Variants in CNTNAP5 observed in about 807,000 individuals in gnomAD.
CNTNAP5 encodes the protein contactin associated protein family member 5.
Under a neutral mutation model 150.2 loss-of-function variants are expected in CNTNAP5, and 72 were observed. That is an observed-to-expected ratio of 0.48 (90% CI 0.40 to 0.58). The LOEUF is 0.58. CNTNAP5 is among the 20% of genes least tolerant of loss of function. The pLI is 0.00. For missense variants in CNTNAP5, 1,636 were observed against 1,626.2 expected (o/e 1.01, Z -0.10); for synonymous variants, 672 against 619.8 (o/e 1.08, Z -1.25).
chr2:124,916,352 T>C lies in CNTNAP5; in HGVS notation c.*2064T>C, dbSNP rs1445546789. Among the ~76,000 whole-genome samples, 1 of 152,080 alleles carries C rather than the reference T, an allele frequency of 6.6e-6. No homozygotes were observed. Among genetic ancestry groups the C allele is most frequent in the African/African-American group, 2.4e-5 (1 of 41,454 alleles). ...AACACTGTTTTCCCCTGCCCTTTCC[T>C]CCCTTTCTTCAATTTTCATTTTTGA... On this transcript the variant is annotated 3_prime_UTR_variant, in exon 24 of 24. Transcript: ENST00000682447.
In CNTNAP5 at chr2:124,516,809, A is replaced by G. The variant is rs1031143233; in HGVS notation, c.1328-7494A>G. Among the ~76,000 whole-genome samples the G allele has an allele frequency of 2.0e-5, 3 of 152,228 alleles. No homozygotes were observed. The South Asian group carries it at 6.2e-4, about 31-fold the overall frequency. On this transcript the variant is annotated intron_variant, in intron 8 of 23. Coordinates refer to ENST00000682447, the MANE Select transcript of CNTNAP5 (RefSeq NM_001367498.1). ...AAAAAGATGTCAAAATATGGTGACA[A>G]TTGAAGTGCAAAGATCTGTTAGAAA... is the stretch of plus-strand genomic sequence containing the variant.
chr2:124,489,669 C>T (rs993608561), intron 7 of CNTNAP5, among the ~76,000 whole-genome samples: 1 of 152,174 alleles, frequency 6.6e-6, no homozygotes, highest in African/African-American at 2.4e-5. Context: ...ATAGGATTTT[C>T]AGCTCCATGA....
intron 1 of CNTNAP5, among the ~76,000 whole-genome samples, chr2:124,104,842 A>G (rs1683141104): frequency 6.6e-6 from 1 of 152,206 alleles, no homozygotes; most frequent in Admixed American, 6.5e-5. Context: ...CAGCTTTGGT[A>G]GCTGGTACTC....
chr2:124,820,364 A>G (rs552878684), intron 19 of CNTNAP5, among the ~76,000 whole-genome samples: 88 of 152,220 alleles, frequency 5.8e-4, no homozygotes, highest in African/African-American at 2.0e-3. Context: ...TCCACTCCAT[A>G]ATGATATCTA....
At chr2:124,713,250 T>C in intron 13 of CNTNAP5, among the ~76,000 whole-genome samples, 1 of 97,942 alleles carries the variant, frequency 1.0e-5, no homozygotes, top group East Asian at 3.3e-4. Flanking sequence ...TTTCTCTTTC[T>C]TTCTTTCTTT....
At chr2:124,292,249 A>C (rs1470778957) in intron 3 of CNTNAP5, among the ~76,000 whole-genome samples, 1 of 152,082 alleles carries the variant, frequency 6.6e-6, no homozygotes, top group East Asian at 1.9e-4. Flanking sequence ...CCCTTAGAAA[A>C]AATCTCTTTC....
chr2:124,493,163 TAA>T (rs571655065), intron 7 of CNTNAP5, among the ~76,000 whole-genome samples: 119 of 152,196 alleles, frequency 7.8e-4, no homozygotes, highest in African/African-American at 2.6e-3. Flanking sequence ...CCTAAATCGT[TAA>T]GAGTTTTTTC....
rs80111481 is a variant in CNTNAP5, at chr2:124,879,239, G to A, written c.3436+9477G>A. Among the ~76,000 whole-genome samples, 1,492 of 152,044 alleles carry A rather than the reference G, an allele frequency of 9.8e-3. 17 individuals are homozygous for A. Among genetic ancestry groups the A allele is most frequent in the African/African-American group, 0.03 (1,258 of 41,488 alleles). On this transcript the variant is annotated intron_variant, in intron 21 of 23. Transcript: ENST00000682447. Reference sequence around the variant, plus strand: ...AAGACAAGACCCCAGCCTCATTTACGGTTTTATCTTCCCTGCTACTGTATT... The same window carrying A: ...AAGACAAGACCCCAGCCTCATTTACAGTTTTATCTTCCCTGCTACTGTATT...
chr2:124,909,045 GA>G (rs553380038), intron 22 of CNTNAP5, among the ~76,000 whole-genome samples: 2 of 151,946 alleles, frequency 1.3e-5, no homozygotes, highest in East Asian at 1.9e-4. Context: ...ATTAAAGAAA[GA>G]AAAAAAGTCA....
intron 3 of CNTNAP5, among the ~76,000 whole-genome samples, chr2:124,271,701 C>CTATCTATCATCT (rs200397448): frequency 1.1e-3 from 125 of 114,844 alleles, no homozygotes; most frequent in Non-Finnish European, 1.7e-3. Flanking sequence ...ATCTATCTAT[C>CTATCTATCATCT]ATCTATCTAT....
chr2:124,786,399 G>GAAAGAAGGAAGGAAGGAAGGA (rs1558775105), intron 17 of CNTNAP5, among the ~76,000 whole-genome samples: 15 of 69,810 alleles, frequency 2.1e-4, no homozygotes, highest in African/African-American at 1.0e-3. Context: ...AAGAAAGAAA[G>GAAAGAAGGAAGGAAGGAAGGA]AAGGAAGGAA....
intron 3 of CNTNAP5, among the ~76,000 whole-genome samples, chr2:124,390,483 A>T (rs1196275152): frequency 6.6e-6 from 1 of 152,210 alleles, no homozygotes; most frequent in Non-Finnish European, 1.5e-5. Flanking sequence ...AAATATTATT[A>T]TGAGAAATAA....
intron 1 of CNTNAP5, among the ~76,000 whole-genome samples, chr2:124,055,257 G>A (rs1010618593): frequency 6.6e-6 from 1 of 152,156 alleles, no homozygotes; most frequent in Non-Finnish European, 1.5e-5. Flanking sequence ...AAGAGATAAA[G>A]TCCAACTTCT....
At chr2:124,480,000 T>C (rs926627540) in intron 7 of CNTNAP5, among the ~76,000 whole-genome samples, 1 of 152,202 alleles carries the variant, frequency 6.6e-6, no homozygotes, top group African/African-American at 2.4e-5. Flanking sequence ...AATAAAAACA[T>C]CTATAAATCC....
chr2:124,416,936 CTTTTT>C (rs70996064), intron 3 of CNTNAP5, among the ~76,000 whole-genome samples: 1 of 106,600 alleles, frequency 9.4e-6, no homozygotes. Context: ...AGAGGGATTT[CTTTTT>C]TTTTTTTTTT....
intron 3 of CNTNAP5, among the ~76,000 whole-genome samples, chr2:124,391,334 A>G (rs1171088501): frequency 6.6e-5 from 10 of 152,328 alleles, no homozygotes; most frequent in Admixed American, 5.2e-4. Flanking sequence ...AGAATATAAA[A>G]TTTAGAAAAT....
intron 4 of CNTNAP5, among the ~76,000 whole-genome samples, chr2:124,430,769 C>T (rs570831206): frequency 1.7e-4 from 26 of 152,238 alleles, no homozygotes; most frequent in Non-Finnish European, 2.2e-4. Flanking sequence ...CATGAGTGCA[C>T]GCCTACTCAG....
Position 124,918,094 on chromosome 2 carries a change from A to C in CNTNAP5, c.*3806A>C, listed in dbSNP as rs2104775515. Among the ~76,000 whole-genome samples the C allele has an allele frequency of 6.6e-6, 1 of 152,150 alleles. No homozygotes were observed. The highest frequency in any genetic ancestry group is 1.9e-4 in the East Asian group (1 of 5,140). Reference sequence around the variant, plus strand: ...CTCTGCCATACATTTGAGGAGGCTGAATTCTCTACATTCTTGTTTCGGGTC... The same window carrying C: ...CTCTGCCATACATTTGAGGAGGCTGCATTCTCTACATTCTTGTTTCGGGTC... On this transcript the variant is annotated 3_prime_UTR_variant, in exon 24 of 24. Transcript: ENST00000682447.
intron 13 of CNTNAP5, among the ~76,000 whole-genome samples, chr2:124,650,742 C>A (rs991025651): frequency 5.3e-5 from 8 of 152,156 alleles, no homozygotes; most frequent in African/African-American, 1.9e-4. Flanking sequence ...AAATACCTTT[C>A]TTTATCAATA....
Sources: allele counts gnomAD v4.1 joint callset (sites outside exome capture counted in the v4.1 genomes callset), GRCh38; gene constraint gnomAD v4.1.1; transcripts MANE v1.5; gene names NCBI Gene and HGNC (gene_info 2026-07-23, HGNC 2026-07-21).